GDI2: variants seen among roughly 807,000 people sequenced by gnomAD.
The protein encoded by GDI2 is GDP dissociation inhibitor 2.
A neutral mutation model predicts 54.2 loss-of-function variants in GDI2; 22 were observed. The observed-to-expected ratio is 0.41, with a 90% confidence interval of 0.29 to 0.58. GDI2 has a LOEUF of 0.58. GDI2 is among the 20% of genes least tolerant of loss of function. GDI2 has a pLI of 0.35. For synonymous variants in GDI2, 177 were observed against 182.1 expected, an observed-to-expected ratio of 0.97 and a Z score of 0.23; for missense variants, 422 against 546.0, an observed-to-expected ratio of 0.77 and a Z score of 2.26.
chr10:5,795,130 C>T, intron 3 of GDI2, 111 bp from the exon 4 acceptor site: 1 of 690,170 alleles, frequency 1.4e-6, no homozygotes, highest in East Asian at 2.7e-5. Context: ...ATAACTCCAA[C>T]AAAATAATTT....
chr10:5,795,374 G>C (rs1841122103), intron 3 of GDI2, among the ~76,000 whole-genome samples: 1 of 151,956 alleles, frequency 6.6e-6, no homozygotes, highest in African/African-American at 2.4e-5. Flanking sequence ...CACCCACCTT[G>C]GCCTCCCAAG....
At chr10:5,773,775 A>T in intron 7 of GDI2, 67 bp downstream of exon 7, 1 of 759,830 alleles carries the variant, frequency 1.3e-6, no homozygotes, top group Non-Finnish European at 2.3e-6. Context: ...CACCAAAATC[A>T]ATATTTAGAA....
rs1433538232 is a variant in GDI2, at chr10:5,800,601, T to C, written c.150A>G (p.Glu50=). 7 of 1,445,062 alleles carry C rather than the reference T, an allele frequency of 4.8e-6. No homozygotes were observed. In the African/African-American group the frequency reaches 9.8e-5, roughly 20 times the overall value. 89.5% of individuals were successfully genotyped at this position (1,445,062 alleles called of 1,614,324 possible). Residue 50 remains glutamate (E), a synonymous_variant, in exon 2 of 11, where the codon GAA becomes GAG. Coordinates refer to ENST00000380191, the MANE Select transcript of GDI2 (RefSeq NM_001494.4). ...GGESASITPL[E]DLYKRFKIPG... is the part of the protein sequence containing the mutation. ...ATGAAATTTGACTAACACTTACATC[T>C]TCCAATGGTGTTATAGATGCACTCT...
intron 6 of GDI2, among the ~76,000 whole-genome samples, chr10:5,779,372 G>A (rs1343211985): frequency 6.6e-6 from 1 of 151,998 alleles, no homozygotes; most frequent in Non-Finnish European, 1.5e-5. Context: ...CCCGAGTGTG[G>A]TGGCATGTGC....
chr10:5,785,105 G>GT (rs756496139), intron 6 of GDI2, 37 bp downstream of exon 6: 4 of 1,498,406 alleles, frequency 2.7e-6, no homozygotes, highest in African/African-American at 2.8e-5. Flanking sequence ...TGAAGATGAG[G>GT]TTTTGGATCA....
At chr10:5,809,901 G>T (rs1369624343) in intron 1 of GDI2, among the ~76,000 whole-genome samples, 1 of 152,042 alleles carries the variant, frequency 6.6e-6, no homozygotes, top group Non-Finnish European at 1.5e-5. Context: ...TTTTCTTTTG[G>T]CCAGGATGCT....
At chr10:5,781,503 T>TA (rs1489430061) in intron 6 of GDI2, among the ~76,000 whole-genome samples, 1 of 151,460 alleles carries the variant, frequency 6.6e-6, no homozygotes, top group African/African-American at 2.4e-5. Context: ...CAGGCGCCTG[T>TA]AGTCCCAGCT....
intron 4 of GDI2, among the ~76,000 whole-genome samples, chr10:5,792,457 T>C (rs557986872): frequency 2.0e-5 from 3 of 152,328 alleles, no homozygotes; most frequent in African/African-American, 7.2e-5. Context: ...CTCTTGAACT[T>C]TGCCACCTCT....
At chr10:5,791,650 G>C (rs1285991130) in intron 4 of GDI2, among the ~76,000 whole-genome samples, 1 of 151,478 alleles carries the variant, frequency 6.6e-6, no homozygotes, top group Non-Finnish European at 1.5e-5. Context: ...GGGAGGCTGA[G>C]ACAGGAGAAT....
chr10:5,779,793 A>C (rs977112354), intron 6 of GDI2, among the ~76,000 whole-genome samples: 1 of 151,428 alleles, frequency 6.6e-6, no homozygotes, highest in Admixed American at 6.6e-5. Flanking sequence ...TCTCAGGCTC[A>C]AGGGATCCTC....
rs372500197 is a variant in GDI2, at chr10:5,805,304, C to T, written c.46-4599G>A. On this transcript the variant is annotated intron_variant, in intron 1 of 10. Transcript: ENST00000380191. ...GGGCTTGAAAACACAGACTGCTAGG[C>T]CCCATCTACAGAGCTTCTGAGTTAG... Among the ~76,000 whole-genome samples, 25 of 149,770 alleles carry T rather than the reference C, an allele frequency of 1.7e-4. No individual in the cohort carries two copies. In the South Asian group the frequency reaches 5.1e-3, roughly 30 times the overall value.
intron 4 of GDI2, among the ~76,000 whole-genome samples, chr10:5,790,607 T>C (rs548416150): frequency 7.2e-5 from 11 of 152,142 alleles, no homozygotes; most frequent in East Asian, 3.9e-4. Context: ...GATTACACCA[T>C]TGAACTCCAG....
At chr10:5,804,077 G>C (rs918261327) in intron 1 of GDI2, among the ~76,000 whole-genome samples, 1 of 145,584 alleles carries the variant, frequency 6.9e-6, no homozygotes, top group Admixed American at 7.4e-5. Context: ...TTTCACTATA[G>C]GAGTGTGAAT....
chr10:5,785,040 C>G, intron 6 of GDI2, 102 bp downstream of exon 6: 1 of 709,192 alleles, frequency 1.4e-6, no homozygotes, highest in East Asian at 2.8e-5. Context: ...CATCTTATTA[C>G]TCATAGACTG....
chr10:5,766,436 G>C lies in GDI2; in HGVS notation c.1136+58C>G, dbSNP rs1426351680. On this transcript the variant is annotated intron_variant, in intron 9 of 10. Transcript: ENST00000380191. This position sits in a 1 kb window ranked among gnomAD's most constrained non-coding sequence, Gnocchi z 5.8. ...TTGCCCTCACATTCGTCCCACCATG[G>C]AGCCACAATCAAAGGCCTCAGTTTG... The C allele has an allele frequency of 1.3e-6, 2 of 1,591,090 alleles. No homozygotes were observed. Among genetic ancestry groups the C allele is most frequent in the African/African-American group, 1.3e-5 (1 of 74,398 alleles).
chr10:5,781,916 G>C (rs1468318720), intron 6 of GDI2, among the ~76,000 whole-genome samples: 1 of 152,158 alleles, frequency 6.6e-6, no homozygotes, highest in East Asian at 1.9e-4. Context: ...GGGAGGCTGA[G>C]GCATGAGAAT....
chr10:5,768,491 T>C lies in GDI2; in HGVS notation c.820-107A>G, dbSNP rs1840410648. ...AGTATTGTTAAGATATCAAAAACCA[T>C]CCTCAAGTTCATATTGGTTCCCAAG... On this transcript the variant is annotated intron_variant, in intron 7 of 10. Coordinates refer to ENST00000380191, the MANE Select transcript of GDI2 (RefSeq NM_001494.4). This position sits in a 1 kb window ranked among gnomAD's most constrained non-coding sequence, Gnocchi z 4.4. 7 of 700,410 alleles carry C rather than the reference T, an allele frequency of 1.0e-5. No individual in the cohort carries two copies. In the South Asian group the frequency reaches 1.3e-4, roughly 13 times the overall value. 43.4% of individuals were successfully genotyped at this position (700,410 alleles called of 1,614,324 possible).
chr10:5,786,735 T>C (rs1395830928), intron 4 of GDI2, among the ~76,000 whole-genome samples: 2 of 152,186 alleles, frequency 1.3e-5, no homozygotes, highest in African/African-American at 4.8e-5. Flanking sequence ...ACTCAGCCAA[T>C]TGCCTAAATT....
At chr10:5,795,079 C>T (rs1723174029) in intron 3 of GDI2, 60 bp from the exon 4 acceptor site, 1 of 1,009,840 alleles carries the variant, frequency 9.9e-7, no homozygotes, top group African/African-American at 1.6e-5. Flanking sequence ...AGAACATTTA[C>T]TAATACTAAC....
Sources: gnomAD v4.1 joint callset for allele counts (sites outside exome capture counted in the v4.1 genomes callset) on GRCh38, gnomAD v4.1.1 for gene constraint, Gnocchi (gnomAD v3.1) non-coding constraint, MANE v1.5 for transcripts, NCBI Gene and HGNC (gene_info 2026-07-23, HGNC 2026-07-21) for gene names.